Variants in CEP112 observed in about 807,000 individuals in gnomAD.
CEP112 encodes the protein centrosomal protein 112.
A neutral mutation model predicts 153.0 loss-of-function variants in CEP112; 127 were observed. The ratio of observed to expected loss-of-function variants is 0.83; its 90% CI spans 0.72 to 0.96. The LOEUF is 0.96. CEP112 is among the 40% of genes least tolerant of loss of function. The pLI is 0.00. For synonymous variants in CEP112, 358 were observed against 374.4 expected, an observed-to-expected ratio of 0.96 and a Z score of 0.51; for missense variants, 1,089 against 1,101.2, an observed-to-expected ratio of 0.99 and a Z score of 0.16.
intron 4 of CEP112, among the ~76,000 whole-genome samples, chr17:66,134,027 AC>A (rs1187284135): frequency 1.3e-5 from 2 of 152,198 alleles, no homozygotes; most frequent in African/African-American, 2.4e-5. Context: ...GTATAATTGT[AC>A]CAGTCAATGT....
intron 23 of CEP112, among the ~76,000 whole-genome samples, chr17:65,699,778 C>T (rs1353919121): frequency 6.6e-6 from 1 of 152,164 alleles, no homozygotes; most frequent in Non-Finnish European, 1.5e-5. Context: ...CAGAGGCGCA[C>T]CACTGCACCT....
At chr17:66,037,802 A>G (rs2065800022) in intron 12 of CEP112, among the ~76,000 whole-genome samples, 2 of 152,168 alleles carry the variant, frequency 1.3e-5, no homozygotes, top group South Asian at 4.1e-4. Flanking sequence ...ATTTTACAAC[A>G]TACCTGAGGC....
intron 11 of CEP112, among the ~76,000 whole-genome samples, chr17:66,056,111 G>A (rs1274346975): frequency 6.6e-6 from 1 of 152,176 alleles, no homozygotes. Context: ...ATAACAATGA[G>A]TTGATCCATA....
At chr17:65,941,544 G>A (rs934986015) in intron 18 of CEP112, 10 of 152,156 alleles carry the variant, frequency 6.6e-5, no homozygotes, top group East Asian at 3.9e-4. Context: ...AAAACACAGC[G>A]TTCTCAGTTG....
In CEP112 at chr17:65,679,129, C is replaced by CTT. The variant is rs57907674; in HGVS notation, c.2697+9998_2697+9999dup. ...AATGTCCTTGACACTGTGGTTCAAGCTTTTTTTTTTTTTTTTTTTTTTTTT... is the reference window on the plus strand; with the variant it reads ...AATGTCCTTGACACTGTGGTTCAAGCTTTTTTTTTTTTTTTTTTTTTTTTTTT... On this transcript the variant is annotated intron_variant, in intron 24 of 26. Transcript: ENST00000535342. Among the ~76,000 whole-genome samples, 255 of 31,626 alleles carry CTT rather than the reference C, an allele frequency of 8.1e-3. 101 individuals are homozygous for CTT. Among genetic ancestry groups the CTT allele is most frequent in the Non-Finnish European group, 0.012 (209 of 16,752 alleles). The allele number at this position is 31,626 out of a possible 152,430, so 20.7% of individuals were successfully genotyped here. A position where few individuals can be genotyped will look rare whatever the true frequency, so the allele number is the denominator to read the frequency against.
chr17:66,178,034 A>G (rs1387288169), intron 2 of CEP112, among the ~76,000 whole-genome samples: 1 of 152,304 alleles, frequency 6.6e-6, no homozygotes, highest in South Asian at 2.1e-4. Context: ...GGGAGTGCAG[A>G]TATCTCTTGG....
intron 22 of CEP112, among the ~76,000 whole-genome samples, chr17:65,745,187 A>T (rs2051370031): frequency 6.6e-6 from 1 of 152,214 alleles, no homozygotes; most frequent in South Asian, 2.1e-4. Flanking sequence ...TGACACTTGG[A>T]ATTTGTCAAT....
chr17:65,964,819 T>G (rs1329485507), intron 17 of CEP112, among the ~76,000 whole-genome samples: 3 of 152,214 alleles, frequency 2.0e-5, no homozygotes, highest in African/African-American at 7.2e-5. Flanking sequence ...CTAAAAGCAC[T>G]TGGGAAGACC....
intron 4 of CEP112, among the ~76,000 whole-genome samples, chr17:66,158,032 A>C (rs1428712665): frequency 6.6e-6 from 1 of 152,106 alleles, no homozygotes; most frequent in African/African-American, 2.4e-5. Context: ...TCTGGACCAA[A>C]TGGACCTAAC....
At chr17:66,045,322 A>T (rs2066160604) in intron 12 of CEP112, among the ~76,000 whole-genome samples, 1 of 152,140 alleles carries the variant, frequency 6.6e-6, no homozygotes, top group Non-Finnish European at 1.5e-5. Context: ...CACCTGCCTC[A>T]GCCTCCCAAA....
chr17:65,801,156 T>C (rs2055249363), intron 21 of CEP112, among the ~76,000 whole-genome samples: 1 of 152,186 alleles, frequency 6.6e-6, no homozygotes, highest in African/African-American at 2.4e-5. Flanking sequence ...CCTCCTGGGC[T>C]TAAGCTATCC....
intron 21 of CEP112, among the ~76,000 whole-genome samples, chr17:65,790,400 C>T (rs1188521347): frequency 6.6e-6 from 1 of 152,104 alleles, no homozygotes; most frequent in Non-Finnish European, 1.5e-5. Context: ...AGATGCAGAT[C>T]ATGACTACAA....
intron 23 of CEP112, among the ~76,000 whole-genome samples, chr17:65,737,195 T>C (rs909371241): frequency 1.3e-5 from 2 of 151,930 alleles, no homozygotes; most frequent in Non-Finnish European, 2.9e-5. Context: ...CTAGCAAAAA[T>C]GCACCAACAG....
At chr17:65,927,203 T>C (rs1361717502) in intron 19 of CEP112, among the ~76,000 whole-genome samples, 2 of 152,158 alleles carry the variant, frequency 1.3e-5, no homozygotes, top group African/African-American at 4.8e-5. Flanking sequence ...CCATGTAAGG[T>C]GCCTGCTTCT....
At chr17:65,936,766 T>C (rs1005849282) in intron 18 of CEP112, among the ~76,000 whole-genome samples, 4 of 127,964 alleles carry the variant, frequency 3.1e-5, no homozygotes, top group Admixed American at 8.8e-5. Context: ...ACAAATTAAG[T>C]ATAGAAAAAA....
intron 23 of CEP112, among the ~76,000 whole-genome samples, chr17:65,698,914 G>T (rs1598343674): frequency 6.6e-6 from 1 of 152,098 alleles, no homozygotes; most frequent in Non-Finnish European, 1.5e-5. Context: ...GGACCCATAA[G>T]CCATTCATTT....
intron 17 of CEP112, among the ~76,000 whole-genome samples, chr17:65,969,643 CAT>C (rs1300927187): frequency 7.2e-5 from 11 of 152,194 alleles, no homozygotes; most frequent in African/African-American, 2.2e-4. Context: ...ATATTGCAAG[CAT>C]ATATGACATG....
chr17:65,850,247 G>C (rs763269926), intron 21 of CEP112, among the ~76,000 whole-genome samples: 1 of 151,856 alleles, frequency 6.6e-6, no homozygotes, highest in Non-Finnish European at 1.5e-5. Flanking sequence ...TGCTGTGAGG[G>C]AATTATCACT....
intron 4 of CEP112, among the ~76,000 whole-genome samples, chr17:66,174,014 C>T (rs1323903945): frequency 4.6e-5 from 7 of 152,070 alleles, no homozygotes; most frequent in Non-Finnish European, 7.4e-5. Context: ...CTGCAAGCTC[C>T]GCCTCCTGGG....
Sources: allele counts gnomAD v4.1 joint callset (sites outside exome capture counted in the v4.1 genomes callset), GRCh38; gene constraint gnomAD v4.1.1; transcripts MANE v1.5; gene names NCBI Gene and HGNC (gene_info 2026-07-23, HGNC 2026-07-21).